Variants in ST6GAL1 observed in about 807,000 individuals in gnomAD.
The protein encoded by ST6GAL1 is ST6 beta-galactoside alpha-2,6-sialyltransferase 1.
A neutral mutation model predicts 38.0 loss-of-function variants in ST6GAL1; 20 were observed. That is an observed-to-expected ratio of 0.53 (90% confidence interval 0.37 to 0.77). ST6GAL1 has a LOEUF of 0.77. Among genes scored for constraint, ST6GAL1 ranks in the 30% least tolerant of loss-of-function variants. The pLI is 0.00. For missense variants in ST6GAL1, 432 were observed against 496.4 expected (o/e 0.87, Z 1.23); for synonymous variants, 196 against 188.2 (o/e 1.04, Z -0.34).
chr3:186,939,989 A>C (rs1714108600), intron 1 of ST6GAL1, among the ~76,000 whole-genome samples: 1 of 152,120 alleles, frequency 6.6e-6, no homozygotes, highest in African/African-American at 2.4e-5. Context: ...TTGCTGTTAC[A>C]CCCAAGTAGG....
intron 2 of ST6GAL1, among the ~76,000 whole-genome samples, chr3:186,991,744 T>C (rs1018294633): frequency 1.3e-5 from 2 of 152,108 alleles, no homozygotes; most frequent in African/African-American, 4.8e-5. Flanking sequence ...ATTCACCTTG[T>C]CTCCTTTGCT....
In ST6GAL1 at chr3:187,043,268, T is replaced by G; in HGVS notation, c.565T>G (p.Ser189Ala). 1 of 1,614,164 alleles carries G rather than the reference T, an allele frequency of 6.2e-7. No individual in the cohort carries two copies. Among genetic ancestry groups the G allele is most frequent in the Non-Finnish European group, 8.5e-7 (1 of 1,180,026 alleles). The part of the protein sequence containing the change: ...GPWGRCAVVS[S>A]AGSLKSSQLG... ...TTGGGGCAGGTGTGCTGTTGTGTCG[T>G]CAGCGGGATCTCTGAAGTCCTCCCA... Residue 189 changes from serine (S) to alanine (A), a missense_variant, in exon 4 of 8, where the codon TCA becomes GCA. Physicochemically the swap from Ser to Ala is moderately conservative, Grantham distance 99. Coordinates refer to ENST00000169298, the MANE Select transcript of ST6GAL1 (RefSeq NM_173216.2).
chr3:186,941,361 A>G (rs981058366), intron 1 of ST6GAL1, among the ~76,000 whole-genome samples: 26 of 152,148 alleles, frequency 1.7e-4, no homozygotes, highest in Admixed American at 7.2e-4. Context: ...CTGGAGTGTT[A>G]TGCTTCCCTG....
chr3:186,954,190 C>T (rs3954169), intron 1 of ST6GAL1, among the ~76,000 whole-genome samples: 20,180 of 152,138 alleles, frequency 0.13, 1,542 homozygotes, highest in South Asian at 0.24. Flanking sequence ...CATAGTATTC[C>T]GTGGTGTATA....
At chr3:187,017,806 G>C (rs531677039) in intron 2 of ST6GAL1, among the ~76,000 whole-genome samples, 1 of 152,168 alleles carries the variant, frequency 6.6e-6, no homozygotes, top group Non-Finnish European at 1.5e-5. Context: ...CGCCTGGCGC[G>C]ATCCCCAGCC....
intron 2 of ST6GAL1, among the ~76,000 whole-genome samples, chr3:186,980,766 CA>C (rs58623543): frequency 0.6 from 73,214 of 121,078 alleles, 21,056 homozygotes; most frequent in Middle Eastern, 0.68. Context: ...GACTCCATCT[CA>C]AAAAAAAAAA....
chr3:186,933,008 C>T (rs993818574), intron 1 of ST6GAL1, among the ~76,000 whole-genome samples: 9 of 152,184 alleles, frequency 5.9e-5, no homozygotes, highest in African/African-American at 1.9e-4. Flanking sequence ...GTCAGGTACC[C>T]GGTGAAACCC....
chr3:186,962,660 C>T (rs1044948814), intron 1 of ST6GAL1, among the ~76,000 whole-genome samples: 1 of 152,180 alleles, frequency 6.6e-6, no homozygotes, highest in Non-Finnish European at 1.5e-5. Context: ...TTTGACCCAG[C>T]ACAGTTTTAT....
rs780959619 is a variant in ST6GAL1 at position 187,074,198 on chromosome 3, A to C, written c.844A>C (p.Lys282Gln). ...GGATTATAATTTCTTTAACAACTAC[A>C]AGACTTATCGTAAGCTGCACCCCAA... The part of the protein sequence containing the change: ...NPDYNFFNNY[K>Q]TYRKLHPNQP... The change falls in exon 7 of 8, where the codon AAG (lysine) becomes CAG (glutamine). Residue 282 changes from lysine to glutamine, a missense_variant. By Grantham distance (53) the Lys-to-Gln change is moderately conservative (BLOSUM62 1). Coordinates refer to ENST00000169298, the MANE Select transcript of ST6GAL1 (RefSeq NM_173216.2). 9.3e-6 allele frequency: 15 copies of C among 1,611,880 alleles called. No homozygotes were observed. The South Asian group carries it at 1.7e-4, about 18-fold the overall frequency.
At chr3:186,940,454 A>G (rs1448578425) in intron 1 of ST6GAL1, among the ~76,000 whole-genome samples, 1 of 152,230 alleles carries the variant, frequency 6.6e-6, no homozygotes, top group Non-Finnish European at 1.5e-5. Context: ...ATATGCAAAT[A>G]CATTTTTAAA....
At chr3:187,038,471 C>T (rs1445380384) in intron 2 of ST6GAL1, 2 of 152,390 alleles carry the variant, frequency 1.3e-5, no homozygotes, top group African/African-American at 4.8e-5. Context: ...GCCTCGGCCT[C>T]CCAAAGTGCT....
At chr3:187,057,036 T>G (rs758082920) in intron 5 of ST6GAL1, among the ~76,000 whole-genome samples, 3 of 152,178 alleles carry the variant, frequency 2.0e-5, no homozygotes, top group Non-Finnish European at 4.4e-5. Flanking sequence ...TCTCTTTTTG[T>G]TTTATTTCAT....
At chr3:187,023,334 GTTGT>G (rs1324613558) in intron 2 of ST6GAL1, among the ~76,000 whole-genome samples, 2 of 152,112 alleles carry the variant, frequency 1.3e-5, no homozygotes, top group Admixed American at 6.5e-5. Flanking sequence ...ACGGATTTAT[GTTGT>G]TTGACTCTTT....
rs1448255169 is a variant in ST6GAL1 at position 187,072,911 on chromosome 3, A to T, written c.768A>T (p.Val256=). The T allele has an allele frequency of 2.5e-6, 4 of 1,613,856 alleles. No individual in the cohort carries two copies. Among genetic ancestry groups the T allele is most frequent in the Non-Finnish European group, 3.4e-6 (4 of 1,179,916 alleles). ...TGTACAATGAAGGAATCCTAATTGT[A>T]TGGGACCCATCTGTATACCACTCAG... ...DSLYNEGILI[V]WDPSVYHSDI... Residue 256 remains valine (V), a synonymous_variant, in exon 6 of 8, where the codon GTA becomes GTT. Transcript: ENST00000169298.
chr3:187,034,795 A>G lies in ST6GAL1; in HGVS notation c.-182-3947A>G, dbSNP rs145713726. ...CATCTATAACAAATCCACAGCCAAT[A>G]TCATACTGAATGGGTAAAAACTGGA... On this transcript the variant is annotated intron_variant, in intron 2 of 7. Coordinates refer to ENST00000169298, the MANE Select transcript of ST6GAL1 (RefSeq NM_173216.2). Among the ~76,000 whole-genome samples, 795 of 152,358 alleles carry G rather than the reference A, an allele frequency of 5.2e-3. 11 individuals are homozygous for G. The highest frequency in any genetic ancestry group is 0.045 in the East Asian group (233 of 5,188).
intron 2 of ST6GAL1, among the ~76,000 whole-genome samples, chr3:186,969,251 C>T (rs986112335): frequency 2.0e-5 from 3 of 152,078 alleles, no homozygotes; most frequent in African/African-American, 7.2e-5. Context: ...CGGGGTTTCA[C>T]CATGTTAGCC....
intron 2 of ST6GAL1, among the ~76,000 whole-genome samples, chr3:187,036,827 C>T (rs183350672): frequency 1.3e-5 from 2 of 152,280 alleles, no homozygotes; most frequent in African/African-American, 2.4e-5. Context: ...TACCCCAAGC[C>T]TCAGCATTGT....
intron 2 of ST6GAL1, among the ~76,000 whole-genome samples, chr3:187,029,647 G>A (rs143775540): frequency 2.6e-4 from 40 of 152,308 alleles, no homozygotes; most frequent in African/African-American, 5.8e-4. Flanking sequence ...GTTAGGGATC[G>A]CGAACTTGAA....
At chr3:187,057,312 G>A (rs762820539) in intron 5 of ST6GAL1, among the ~76,000 whole-genome samples, 6 of 152,170 alleles carry the variant, frequency 3.9e-5, no homozygotes, top group Admixed American at 6.5e-5. Flanking sequence ...CTGTCAGCTC[G>A]TGAAAGTCAT....
Sources: allele counts gnomAD v4.1 joint callset (sites outside exome capture counted in the v4.1 genomes callset), GRCh38; gene constraint gnomAD v4.1.1; transcripts MANE v1.5; gene names NCBI Gene and HGNC (gene_info 2026-07-23, HGNC 2026-07-21).